TAF8: variants seen among roughly 807,000 people sequenced by gnomAD.
TAF8 encodes transcription initiation factor TFIID subunit 8.
A neutral mutation model predicts 36.5 loss-of-function variants in TAF8; 47 were observed. The ratio of observed to expected loss-of-function variants is 1.29; its 90% CI spans 1.02 to 1.64. TAF8 has a LOEUF of 1.64. Ranked by LOEUF, TAF8 falls within the 40% of genes most tolerant of loss-of-function variation. TAF8 has a pLI of 0.00. For missense variants in TAF8, 420 were observed against 407.6 expected, an observed-to-expected ratio of 1.03 and a Z score of -0.26; for synonymous variants, 175 against 159.5, an observed-to-expected ratio of 1.10 and a Z score of -0.73.
Position 42,078,530 on chromosome 6 carries a change from C to T in TAF8, c.*985C>T. On this transcript the variant is annotated 3_prime_UTR_variant, in exon 9 of 9. Coordinates refer to ENST00000372977, the MANE Select transcript of TAF8 (RefSeq NM_138572.3). ...AACGTGTCGGAAACAGGAGGCCACA[C>T]AGCACAGCTTTGTTTGGGGTGGGCA... 1.0e-6 allele frequency: 1 copy of T among 985,592 alleles called. No homozygotes were observed. Among genetic ancestry groups the T allele is most frequent in the Non-Finnish European group, 1.2e-6 (1 of 829,956 alleles). The allele number at this position is 985,592 out of a possible 1,614,324, so 61.1% of individuals were successfully genotyped here. A position where few individuals can be genotyped will look rare whatever the true frequency, so the allele number is the denominator to read the frequency against.
rs781256869 is a variant in TAF8 at position 42,055,589 on chromosome 6, G to A, written c.261G>A (p.Gln87=). 9 of 1,614,100 alleles carry A rather than the reference G, an allele frequency of 5.6e-6. No individual in the cohort carries two copies. The highest frequency in any genetic ancestry group is 7.6e-6 in the Non-Finnish European group (9 of 1,180,046). ...KSYCEHTART[Q]PTLSDIVVTL... Reference sequence around the variant, plus strand: ...ACTGTGAGCACACAGCCAGGACCCAGCCCACACTGTCCGATATCGTGGTCA... The same window carrying A: ...ACTGTGAGCACACAGCCAGGACCCAACCCACACTGTCCGATATCGTGGTCA... The change falls in exon 3 of 9, where the codon CAG becomes CAA. Residue 87 remains glutamine, a synonymous_variant. Coordinates refer to ENST00000372977, the MANE Select transcript of TAF8 (RefSeq NM_138572.3).
intron 7 of TAF8, among the ~76,000 whole-genome samples, chr6:42,076,355 C>T (rs766156134): frequency 2.0e-5 from 3 of 151,972 alleles, no homozygotes; most frequent in Non-Finnish European, 2.9e-5. Flanking sequence ...GAGGCTGAAG[C>T]AGGAGAATTG....
chr6:42,086,357 GGT>G (rs1245751109), downstream of TAF8, among the ~76,000 whole-genome samples: 13 of 152,338 alleles, frequency 8.5e-5, no homozygotes, highest in African/African-American at 2.6e-4. Context: ...TTATGATTGA[GGT>G]GAGCTTTTCC....
chr6:42,059,536 C>G (rs1765119697), intron 5 of TAF8, among the ~76,000 whole-genome samples: 1 of 152,124 alleles, frequency 6.6e-6, no homozygotes, highest in African/African-American at 2.4e-5. Flanking sequence ...CAACACTGAT[C>G]TTAGGAACAG....
At position 42,066,323 on chromosome 6, in the gene TAF8, GC is replaced by G. The variant is rs1251587628; in HGVS notation, c.504del (p.Val169CysfsTer45). 1.2e-6 allele frequency: 2 copies of G among 1,614,012 alleles called. No homozygotes were observed. The highest frequency in any genetic ancestry group is 1.7e-6 in the Non-Finnish European group (2 of 1,180,026). ...TGCTCTCTTCGTAGACGTACCGTGA[GC>G]CCGTGTCAGACTACCAGGTCCTGCG... is the stretch of plus-strand genomic sequence containing the variant. Reference protein sequence around the residue: ...TYIKTPTYREPVSDYQVLREK... With the variant: ...TYIKTPTYREXVSDYQVLREK... On this transcript the variant is annotated frameshift_variant, in exon 6 of 9. Transcript: ENST00000372977. LOFTEE classifies it high-confidence loss of function.
rs1251987945 is a variant in TAF8, at chr6:42,079,994, G to GT, written c.*2450dup. ...GTCAGGAACGGAAGAGGGGACGCTA[G>GT]TAAAAAAAAAAAAATTGGATTCCCC... is the stretch of plus-strand genomic sequence containing the variant. On this transcript the variant is annotated 3_prime_UTR_variant, in exon 9 of 9. Coordinates refer to ENST00000372977, the MANE Select transcript of TAF8 (RefSeq NM_138572.3). 2.3e-6 allele frequency: 2 copies of GT among 859,346 alleles called. No individual in the cohort carries two copies. The highest frequency in any genetic ancestry group is 2.7e-6 in the Non-Finnish European group (2 of 740,144). The allele number at this position is 859,346 out of a possible 1,614,324, so 53.2% of individuals were successfully genotyped here.
At chr6:42,086,268 C>T (rs771395170), downstream of TAF8, among the ~76,000 whole-genome samples, 88 of 152,236 alleles carry the variant, frequency 5.8e-4, 2 homozygotes, top group Non-Finnish European at 1.6e-4. Flanking sequence ...CCCTAGCCAA[C>T]GCCATGTGTT....
intron 5 of TAF8, chr6:42,057,840 T>C: frequency 2.9e-6 from 1 of 346,332 alleles, no homozygotes; most frequent in Non-Finnish European, 5.2e-6. Flanking sequence ...GAGAATTATG[T>C]TCTCAAGTTT....
intron 2 of TAF8, among the ~76,000 whole-genome samples, chr6:42,053,437 C>T (rs9367127): frequency 0.36 from 54,123 of 151,292 alleles, 10,243 homozygotes; most frequent in Non-Finnish European, 0.43. Flanking sequence ...TGGTGGCGGG[C>T]GCCTGTAATT....
intron 6 of TAF8, among the ~76,000 whole-genome samples, chr6:42,068,123 C>A (rs1270436794): frequency 6.6e-6 from 1 of 152,196 alleles, no homozygotes; most frequent in South Asian, 2.1e-4. Flanking sequence ...AGGATTCTAT[C>A]TATAGCCTCA....
At chr6:42,085,722 C>T (rs755992883), downstream of TAF8, among the ~76,000 whole-genome samples, 28 of 151,984 alleles carry the variant, frequency 1.8e-4, no homozygotes, top group Non-Finnish European at 2.6e-4. Context: ...CGGTGGCTCA[C>T]GCCTGTAATC....
At chr6:42,087,013 T>G (rs541469441), downstream of TAF8, 1 of 559,460 alleles carries the variant, frequency 1.8e-6, no homozygotes, top group South Asian at 2.2e-5. Context: ...TCTGAAATAC[T>G]CTCCCTCCTC....
chr6:42,080,003 A>AG lies in TAF8; in HGVS notation c.*2458_*2459insG. The AG allele has an allele frequency of 1.0e-6, 1 of 985,214 alleles. No homozygotes were observed. Among genetic ancestry groups the AG allele is most frequent in the Non-Finnish European group, 1.2e-6 (1 of 829,880 alleles). The allele number at this position is 985,214 out of a possible 1,614,324, so 61.0% of individuals were successfully genotyped here. A position where few individuals can be genotyped will look rare whatever the true frequency, so the allele number is the denominator to read the frequency against. Reference sequence around the variant, plus strand: ...GGAAGAGGGGACGCTAGTAAAAAAAAAAAAATTGGATTCCCCAACTGGACT... The same window carrying AG: ...GGAAGAGGGGACGCTAGTAAAAAAAAGAAAAATTGGATTCCCCAACTGGACT... On this transcript the variant is annotated 3_prime_UTR_variant, in exon 9 of 9. Transcript: ENST00000372977.
At position 42,079,495 on chromosome 6, in the gene TAF8, G is replaced by A. The variant is rs975687152; in HGVS notation, c.*1950G>A. 2.0e-6 allele frequency: 2 copies of A among 985,292 alleles called. No individual in the cohort carries two copies. The highest frequency in any genetic ancestry group is 3.5e-5 in the African/African-American group (2 of 57,236). 61.0% of individuals were successfully genotyped at this position (985,292 alleles called of 1,614,324 possible). A position where few individuals can be genotyped will look rare whatever the true frequency, so the allele number is the denominator to read the frequency against. On this transcript the variant is annotated 3_prime_UTR_variant, in exon 9 of 9. Transcript: ENST00000372977. ...GTGGAAGTGAACACTGGATGAATAA[G>A]CTTGTTTCCCAAATTAGAATCCTAA... is the stretch of plus-strand genomic sequence containing the variant.
At position 42,083,004 on chromosome 6, in the gene TAF8, T is replaced by C; in HGVS notation, c.*5459T>C. On this transcript the variant is annotated 3_prime_UTR_variant, in exon 9 of 9. Coordinates refer to ENST00000372977, the MANE Select transcript of TAF8 (RefSeq NM_138572.3). ...TTTTTCTCCTTTGTTAAACAGTTAT[T>C]TAATTTTGAAGAGATAATATATGTA... 1 of 152,170 alleles carries C rather than the reference T, an allele frequency of 6.6e-6. No homozygotes were observed. Among genetic ancestry groups the C allele is most frequent in the South Asian group, 2.1e-4 (1 of 4,824 alleles). 9.4% of individuals were successfully genotyped at this position (152,170 alleles called of 1,614,324 possible). A position where few individuals can be genotyped will look rare whatever the true frequency, so the allele number is the denominator to read the frequency against.
At position 42,073,610 on chromosome 6, in the gene TAF8, C is replaced by G. The variant is rs556424160; in HGVS notation, c.781-3490C>G. On this transcript the variant is annotated intron_variant, in intron 7 of 8. Coordinates refer to ENST00000372977, the MANE Select transcript of TAF8 (RefSeq NM_138572.3). ...GTGAGGGAGTGAGCCATGTGGATAT[C>G]TGGGGAAGAGTGTTCTGGCAGAGGG... is the stretch of plus-strand genomic sequence containing the variant. 2.0e-5 allele frequency among the ~76,000 whole-genome samples: 3 copies of G among 152,136 alleles called. No homozygotes were observed. The East Asian group carries it at 5.8e-4, about 29-fold the overall frequency.
chr6:42,073,225 T>C (rs1765640265), intron 7 of TAF8, among the ~76,000 whole-genome samples: 1 of 152,240 alleles, frequency 6.6e-6, no homozygotes, highest in Non-Finnish European at 1.5e-5. Context: ...AGCTGCTCTC[T>C]GCAGCCAACC....
At chr6:42,054,183 C>T (rs975924016) in intron 2 of TAF8, among the ~76,000 whole-genome samples, 4 of 152,064 alleles carry the variant, frequency 2.6e-5, no homozygotes, top group East Asian at 1.9e-4. Context: ...TTCACAGAGC[C>T]GAGCTTCAAA....
intron 7 of TAF8, among the ~76,000 whole-genome samples, chr6:42,073,855 C>T (rs1302063526): frequency 6.6e-6 from 1 of 152,242 alleles, no homozygotes; most frequent in South Asian, 2.1e-4. Context: ...AGGAAGCTGT[C>T]GCTATAGCCT....
Sources: allele counts gnomAD v4.1 joint callset (sites outside exome capture counted in the v4.1 genomes callset), GRCh38; gene constraint gnomAD v4.1.1; transcripts MANE v1.5; gene names NCBI Gene and HGNC (gene_info 2026-07-23, HGNC 2026-07-21).